The following CACNA2D3 variants were observed in gnomAD, a reference collection of about 807,000 sequenced individuals.
The protein encoded by CACNA2D3 is calcium voltage-gated channel auxiliary subunit alpha2delta 3.
Under a neutral mutation model 160.6 loss-of-function variants are expected in CACNA2D3, and 60 were observed. The observed-to-expected ratio is 0.37, with a 90% CI of 0.30 to 0.46. The LOEUF (loss-of-function observed/expected upper bound fraction) is 0.46, where lower values mean the gene tolerates loss of function less well. CACNA2D3 is among the 20% of genes least tolerant of loss of function. The pLI is 1.00. For missense variants in CACNA2D3, 1,205 were observed against 1,365.0 expected (o/e 0.88, Z 1.85); for synonymous variants, 558 against 492.9 (o/e 1.13, Z -1.75).
At chr3:54,693,038 C>T (rs1700597627) in intron 11 of CACNA2D3, among the ~76,000 whole-genome samples, 1 of 152,056 alleles carries the variant, frequency 6.6e-6, no homozygotes, top group South Asian at 2.1e-4. Context: ...AAAACCACCA[C>T]CACCACCACC....
At chr3:54,817,729 C>G (rs1339261348) in intron 14 of CACNA2D3, among the ~76,000 whole-genome samples, 1 of 152,204 alleles carries the variant, frequency 6.6e-6, no homozygotes, top group African/African-American at 2.4e-5. Flanking sequence ...GAGAGCACAA[C>G]TGCTCTACTA....
chr3:54,859,461 T>G (rs1559607097), intron 17 of CACNA2D3, among the ~76,000 whole-genome samples: 1 of 152,198 alleles, frequency 6.6e-6, no homozygotes, highest in Non-Finnish European at 1.5e-5. Flanking sequence ...ACATTTGGAA[T>G]TTTGAGGCAA....
chr3:54,859,054 GTTTTC>G (rs1340366200), intron 17 of CACNA2D3, among the ~76,000 whole-genome samples: 2 of 152,310 alleles, frequency 1.3e-5, no homozygotes, highest in Non-Finnish European at 2.9e-5. Flanking sequence ...AATGTGTGGA[GTTTTC>G]TTTTATTTCT....
At chr3:54,169,739 G>A (rs143715257) in intron 2 of CACNA2D3, among the ~76,000 whole-genome samples, 328 of 151,896 alleles carry the variant, frequency 2.2e-3, no homozygotes, top group African/African-American at 7.5e-3. Flanking sequence ...GCGTGTGTGC[G>A]AGTGTGCATG....
chr3:54,132,550 A>C lies in CACNA2D3; in HGVS notation c.204+8956A>C, dbSNP rs548767840. ...CTAATCTTTTGAAAAAGTCAACAGT[A>C]TACATTTCCTGGAACGGGAATTTCA... On this transcript the variant is annotated intron_variant, in intron 2 of 37. Coordinates refer to ENST00000474759, the MANE Select transcript of CACNA2D3 (RefSeq NM_018398.3). Among the ~76,000 whole-genome samples the C allele has an allele frequency of 2.6e-5, 4 of 152,328 alleles. No individual in the cohort carries two copies. In the South Asian group the frequency reaches 8.3e-4, roughly 32 times the overall value.
chr3:54,538,088 C>T (rs1473146234), intron 5 of CACNA2D3, among the ~76,000 whole-genome samples: 1 of 152,092 alleles, frequency 6.6e-6, no homozygotes, highest in South Asian at 2.1e-4. Flanking sequence ...GATCTGGGCT[C>T]TGGTATCAAA....
chr3:54,245,712 C>G (rs1398634407), intron 2 of CACNA2D3, among the ~76,000 whole-genome samples: 1 of 152,222 alleles, frequency 6.6e-6, no homozygotes, highest in African/African-American at 2.4e-5. Context: ...CGATCTCCCC[C>G]AGTCTCTCAT....
intron 27 of CACNA2D3, among the ~76,000 whole-genome samples, chr3:54,929,364 G>A (rs1197660625): frequency 6.6e-6 from 1 of 152,188 alleles, no homozygotes. Flanking sequence ...AACCTGGACC[G>A]GTCAGCAGGA....
intron 4 of CACNA2D3, among the ~76,000 whole-genome samples, chr3:54,420,051 C>G (rs1343889160): frequency 6.6e-6 from 1 of 151,904 alleles, no homozygotes; most frequent in African/African-American, 2.4e-5. Flanking sequence ...CAGGCGTGAG[C>G]TACTGCACCC....
At chr3:54,292,567 T>TG (rs1703235807) in intron 2 of CACNA2D3, among the ~76,000 whole-genome samples, 1 of 151,988 alleles carries the variant, frequency 6.6e-6, no homozygotes. Context: ...AATAAGTACA[T>TG]GAAAAAAAAT....
At chr3:54,644,800 C>T (rs1040105442) in intron 11 of CACNA2D3, among the ~76,000 whole-genome samples, 2 of 152,170 alleles carry the variant, frequency 1.3e-5, no homozygotes, top group African/African-American at 2.4e-5. Context: ...CTGAGTGCTG[C>T]GGAGGCTGCT....
chr3:54,903,966 C>A (rs1430635486), intron 27 of CACNA2D3, among the ~76,000 whole-genome samples: 1 of 152,122 alleles, frequency 6.6e-6, no homozygotes, highest in African/African-American at 2.4e-5. Flanking sequence ...AGACTTTTAT[C>A]AGATGCTTAG....
chr3:54,736,723 T>A (rs1469617683), intron 11 of CACNA2D3, among the ~76,000 whole-genome samples: 1 of 152,218 alleles, frequency 6.6e-6, no homozygotes, highest in African/African-American at 2.4e-5. Context: ...TGGGATCTGC[T>A]GGTTCATGCA....
intron 8 of CACNA2D3, among the ~76,000 whole-genome samples, chr3:54,574,392 C>G (rs1273683652): frequency 2.6e-5 from 4 of 152,104 alleles, no homozygotes; most frequent in African/African-American, 9.7e-5. Context: ...TCATTGTGAA[C>G]TGCATGTTTA....
At chr3:54,772,349 C>T (rs970276470) in intron 13 of CACNA2D3, among the ~76,000 whole-genome samples, 5 of 151,622 alleles carry the variant, frequency 3.3e-5, no homozygotes, top group African/African-American at 9.7e-5. Context: ...AAAAATGACC[C>T]GTGAGTATAG....
intron 14 of CACNA2D3, among the ~76,000 whole-genome samples, chr3:54,831,961 C>T (rs1020888810): frequency 1.3e-5 from 2 of 151,270 alleles, no homozygotes; most frequent in Non-Finnish European, 2.9e-5. Flanking sequence ...TACCCTCCCG[C>T]CCTTTCCCTC....
intron 11 of CACNA2D3, among the ~76,000 whole-genome samples, chr3:54,684,474 T>G (rs1700413142): frequency 6.6e-6 from 1 of 152,180 alleles, no homozygotes; most frequent in African/African-American, 2.4e-5. Flanking sequence ...GAGCCTTGGC[T>G]TCATTCTGGA....
intron 35 of CACNA2D3, among the ~76,000 whole-genome samples, chr3:55,070,749 A>G (rs976863411): frequency 2.0e-5 from 3 of 152,202 alleles, no homozygotes; most frequent in African/African-American, 4.8e-5. Flanking sequence ...TACCGCACAA[A>G]TGTGAATCTG....
intron 35 of CACNA2D3, among the ~76,000 whole-genome samples, chr3:55,044,318 C>T (rs931377811): frequency 2.0e-5 from 3 of 152,072 alleles, no homozygotes; most frequent in African/African-American, 7.2e-5. Flanking sequence ...ATGATTTTTC[C>T]AGTTTTTAAA....
Sources: allele counts gnomAD v4.1 joint callset (sites outside exome capture counted in the v4.1 genomes callset), GRCh38; gene constraint gnomAD v4.1.1; transcripts MANE v1.5; gene names NCBI Gene and HGNC (gene_info 2026-07-23, HGNC 2026-07-21).